Variants in CNBD2 observed in about 807,000 individuals in gnomAD.
The protein encoded by CNBD2 is cyclic nucleotide-binding domain-containing protein 2.
CNBD2 carries 64 observed loss-of-function variants against 63.7 expected under a neutral mutation model. The ratio of observed to expected loss-of-function variants is 1.00; its 90% CI spans 0.82 to 1.24. The LOEUF (loss-of-function observed/expected upper bound fraction) is 1.24. Among genes scored for constraint, CNBD2 ranks in the 50% most tolerant of loss-of-function variants. The pLI is 0.00. For missense variants in CNBD2, 691 were observed against 713.5 expected, an observed-to-expected ratio of 0.97 and a Z score of 0.36; for synonymous variants, 229 against 255.4, an observed-to-expected ratio of 0.90 and a Z score of 0.99.
At chr20:35,979,602 A>C (rs768604399) in intron 3 of CNBD2, among the ~76,000 whole-genome samples, 5 of 152,234 alleles carry the variant, frequency 3.3e-5, no homozygotes, top group Non-Finnish European at 5.9e-5. Context: ...TTTTGACACA[A>C]GTTTTGGAGG....
rs1195943774 is a variant in CNBD2 at position 36,023,674 on chromosome 20, G to T, written c.1342G>T (p.Glu448Ter). Residue 448 changes from glutamate to a stop codon, truncating the protein, a stop_gained, in exon 11 of 12, where the codon GAG becomes TAG. Coordinates refer to ENST00000373973, the MANE Select transcript of CNBD2 (RefSeq NM_001365709.1). LOFTEE classifies it high-confidence loss of function. ...CTTGATCCTGATGAGCCTGGGAAAT[G>T]AGTTGATACGGATAAGGAAGGAAAT... ...RPLILMSLGN[E>*]LIRIRKEIFY... The T allele has an allele frequency of 1.9e-6, 3 of 1,614,028 alleles. No individual in the cohort carries two copies. Among genetic ancestry groups the T allele is most frequent in the East Asian group, 2.2e-5 (1 of 44,870 alleles).
At chr20:36,001,811 G>A (rs1028135001) in intron 8 of CNBD2, among the ~76,000 whole-genome samples, 1 of 151,750 alleles carries the variant, frequency 6.6e-6, no homozygotes, top group African/African-American at 2.4e-5. Context: ...CGGCCGGGCA[G>A]AGACGCTCCT....
At chr20:35,956,216 G>C (rs2056255378), downstream of CNBD2, among the ~76,000 whole-genome samples, 5 of 152,194 alleles carry the variant, frequency 3.3e-5, no homozygotes, top group South Asian at 1.0e-3. Context: ...GTTTCCTTTG[G>C]ATGGGTAGAA....
At chr20:35,961,121 G>C (rs988743815) in intron 2 of CNBD2, among the ~76,000 whole-genome samples, 2 of 152,062 alleles carry the variant, frequency 1.3e-5, no homozygotes, top group Admixed American at 6.6e-5. Context: ...AGTAGAGACA[G>C]ATTTTCACCA....
rs1197113772 is a variant in CNBD2, at chr20:36,011,264, G to A, written c.1269+7G>A. On this transcript the variant is annotated splice_region_variant and intron_variant, in intron 10 of 11. Coordinates refer to ENST00000373973, the MANE Select transcript of CNBD2 (RefSeq NM_001365709.1). Reference sequence around the variant, plus strand: ...GGAGCAGGGAGAAATTTTGGTGAGTGTGCCAAGAGCTCTGTTCACCATGGA... The same window carrying A: ...GGAGCAGGGAGAAATTTTGGTGAGTATGCCAAGAGCTCTGTTCACCATGGA... 6.5e-7 allele frequency: 1 copy of A among 1,548,734 alleles called. No individual in the cohort carries two copies. Among genetic ancestry groups the A allele is most frequent in the South Asian group, 1.2e-5 (1 of 80,578 alleles).
At chr20:35,964,256 C>T (rs926648497), upstream of CNBD2, among the ~76,000 whole-genome samples, 1 of 151,920 alleles carries the variant, frequency 6.6e-6, no homozygotes, top group Non-Finnish European at 1.5e-5. Flanking sequence ...TCTCGGCTCA[C>T]CACAACTTCC....
intron 8 of CNBD2, among the ~76,000 whole-genome samples, chr20:36,004,513 C>G (rs2056958360): frequency 6.6e-6 from 1 of 152,048 alleles, no homozygotes; most frequent in South Asian, 2.1e-4. Context: ...GGGCTCACCT[C>G]ATTTGTTTTC....
At chr20:36,006,844 T>C (rs1277127474) in intron 8 of CNBD2, among the ~76,000 whole-genome samples, 1 of 152,174 alleles carries the variant, frequency 6.6e-6, no homozygotes, top group Non-Finnish European at 1.5e-5. Context: ...CAACCACTGA[T>C]TTGTTTTCTA....
chr20:35,975,523 A>G (rs1195581143), intron 2 of CNBD2, among the ~76,000 whole-genome samples: 2 of 148,294 alleles, frequency 1.3e-5, no homozygotes, highest in South Asian at 2.1e-4. Context: ...GATGGTCTCG[A>G]TCTCCTGACC....
chr20:35,978,511 A>AT lies in CNBD2; in HGVS notation c.244-1942dup, dbSNP rs577928156. 5.0e-4 allele frequency among the ~76,000 whole-genome samples: 76 copies of AT among 152,072 alleles called. No homozygotes were observed. The East Asian group carries it at 7.0e-3, about 14-fold the overall frequency. ...AGGCGCCTGCCACCACGCCCTGCTA[A>AT]TTTTTTGTATTTTTAGTAGAGACGG... On this transcript the variant is annotated intron_variant, in intron 3 of 11. Coordinates refer to ENST00000373973, the MANE Select transcript of CNBD2 (RefSeq NM_001365709.1).
intron 8 of CNBD2, among the ~76,000 whole-genome samples, chr20:36,000,725 A>G (rs1346850066): frequency 8.4e-6 from 1 of 119,656 alleles, no homozygotes; most frequent in African/African-American, 3.0e-5. Flanking sequence ...CGCCTGGCTA[A>G]TTTTTTTTTT....
At chr20:36,020,068 CA>C (rs1354406444) in intron 10 of CNBD2, among the ~76,000 whole-genome samples, 3 of 152,022 alleles carry the variant, frequency 2.0e-5, no homozygotes, top group Non-Finnish European at 4.4e-5. Context: ...TGATGTTAGA[CA>C]ATTTTTCTTT....
At chr20:35,995,992 G>A (rs1384857483) in intron 8 of CNBD2, among the ~76,000 whole-genome samples, 1 of 152,186 alleles carries the variant, frequency 6.6e-6, no homozygotes, top group African/African-American at 2.4e-5. Flanking sequence ...GCAGCAAAGG[G>A]CATCACATGG....
intron 9 of CNBD2, among the ~76,000 whole-genome samples, chr20:36,009,392 C>G (rs960885118): frequency 2.0e-5 from 3 of 151,686 alleles, no homozygotes; most frequent in African/African-American, 7.3e-5. Flanking sequence ...TTAGTAGAGA[C>G]GAGGTTTCAC....
intron 4 of CNBD2, among the ~76,000 whole-genome samples, chr20:35,981,660 G>C (rs534312826): frequency 9.4e-4 from 143 of 152,136 alleles, no homozygotes; most frequent in African/African-American, 3.3e-3. Flanking sequence ...GGGTGGTCTT[G>C]AACTCCTGAG....
intron 11 of CNBD2, among the ~76,000 whole-genome samples, chr20:36,029,570 G>A (rs1008634221): frequency 3.3e-5 from 5 of 152,040 alleles, no homozygotes; most frequent in African/African-American, 4.8e-5. Context: ...AGGTGCACAC[G>A]GTCAGCTTTC....
chr20:35,968,186 AG>A (rs1373184920), upstream of CNBD2, among the ~76,000 whole-genome samples: 1 of 152,346 alleles, frequency 6.6e-6, no homozygotes, highest in South Asian at 2.1e-4. Context: ...ATGCAAATTA[AG>A]GGGCAGGTTA....
upstream of CNBD2, chr20:35,968,534 C>T: frequency 2.2e-6 from 1 of 449,464 alleles, no homozygotes. Flanking sequence ...CCCTGTGTCC[C>T]CTGCCTCCAG....
Position 35,995,158 on chromosome 20 carries a change from C to T in CNBD2, c.970+6C>T, listed in dbSNP as rs1276928714. ...TCTGAAGACCCACCTGAGTGGTAAG[C>T]TGCCTTGGCCTGTCTGACAGCAGGG... On this transcript the variant is annotated splice_donor_region_variant and intron_variant, in intron 8 of 11. Coordinates refer to ENST00000373973, the MANE Select transcript of CNBD2 (RefSeq NM_001365709.1). The T allele has an allele frequency of 6.3e-7, 1 of 1,599,378 alleles. No homozygotes were observed. Among genetic ancestry groups the T allele is most frequent in the Non-Finnish European group, 8.6e-7 (1 of 1,167,762 alleles).
Sources: allele counts gnomAD v4.1 joint callset (sites outside exome capture counted in the v4.1 genomes callset), GRCh38; gene constraint gnomAD v4.1.1; transcripts MANE v1.5; gene names NCBI Gene and HGNC (gene_info 2026-07-23, HGNC 2026-07-21).